Variants in CCSER1 observed in about 807,000 individuals in gnomAD.
CCSER1 encodes the protein serine-rich coiled-coil domain-containing protein 1.
Under a neutral mutation model 82.0 loss-of-function variants are expected in CCSER1, and 41 were observed. The observed-to-expected ratio is 0.50, with a 90% confidence interval of 0.39 to 0.65. The LOEUF is 0.65. CCSER1 is among the 30% of genes least tolerant of loss of function. The probability of loss-of-function intolerance (pLI) is 0.00; values close to 1 mark genes in which losing one functional copy is unlikely to be tolerated. For missense variants in CCSER1, 1,119 were observed against 1,064.2 expected, an observed-to-expected ratio of 1.05 and a Z score of -0.72; for synonymous variants, 414 against 383.9, an observed-to-expected ratio of 1.08 and a Z score of -0.92.
At chr4:91,438,822 T>A (rs565574529) in intron 10 of CCSER1, among the ~76,000 whole-genome samples, 14 of 152,250 alleles carry the variant, frequency 9.2e-5, no homozygotes, top group African/African-American at 3.4e-4. Flanking sequence ...GCTCGAGAAC[T>A]ACGTGAAGAA....
intron 10 of CCSER1, among the ~76,000 whole-genome samples, chr4:91,094,457 A>C (rs1724291718): frequency 6.6e-6 from 1 of 152,128 alleles, no homozygotes; most frequent in Non-Finnish European, 1.5e-5. Flanking sequence ...GTGTAGAGTC[A>C]CTGTAGTTTG....
At chr4:90,490,804 T>G (rs945911377) in intron 5 of CCSER1, among the ~76,000 whole-genome samples, 1 of 152,138 alleles carries the variant, frequency 6.6e-6, no homozygotes, top group African/African-American at 2.4e-5. Flanking sequence ...CTTGTTTTTG[T>G]CAGGTTTGTC....
intron 9 of CCSER1, among the ~76,000 whole-genome samples, chr4:90,944,902 T>C (rs918992803): frequency 2.6e-5 from 4 of 152,222 alleles, no homozygotes; most frequent in African/African-American, 9.6e-5. Context: ...GAGCATGATA[T>C]ACACCATTGA....
chr4:90,442,814 C>T (rs28451886), intron 4 of CCSER1, among the ~76,000 whole-genome samples: 1,570 of 152,228 alleles, frequency 0.01, 20 homozygotes, highest in African/African-American at 0.036. Flanking sequence ...TAATTTTATC[C>T]TCCTGGGAGG....
intron 10 of CCSER1, among the ~76,000 whole-genome samples, chr4:91,092,060 C>G (rs894514931): frequency 2.6e-5 from 4 of 152,040 alleles, no homozygotes; most frequent in Non-Finnish European, 5.9e-5. Flanking sequence ...AGGGGGTGCA[C>G]CTAATTTTAA....
intron 6 of CCSER1, among the ~76,000 whole-genome samples, chr4:90,629,282 G>A (rs1483915911): frequency 6.6e-6 from 1 of 152,114 alleles, no homozygotes; most frequent in Non-Finnish European, 1.5e-5. Context: ...GTTATAAACT[G>A]TATTAGTCTG....
chr4:91,020,444 C>T (rs750590535), intron 9 of CCSER1, among the ~76,000 whole-genome samples: 11 of 152,094 alleles, frequency 7.2e-5, no homozygotes, highest in Admixed American at 4.6e-4. Context: ...GGGTGGATCA[C>T]GAGGTCAGGA....
At chr4:90,738,066 A>G (rs1186614157) in intron 7 of CCSER1, among the ~76,000 whole-genome samples, 4 of 152,182 alleles carry the variant, frequency 2.6e-5, no homozygotes, top group South Asian at 2.1e-4. Flanking sequence ...GAAAGATCAC[A>G]TATCTCTGTT....
Position 90,714,025 on chromosome 4 carries a change from C to T in CCSER1, c.1933-9889C>T, listed in dbSNP as rs1741157288. On this transcript the variant is annotated intron_variant, in intron 6 of 10. Coordinates refer to ENST00000509176, the MANE Select transcript of CCSER1 (RefSeq NM_001145065.2). ...TAAGTCCTTCTAAGTCTCTTTCAGT[C>T]CCAGTATGAGAACCTGGAAATTTCA... Among the ~76,000 whole-genome samples the T allele has an allele frequency of 2.6e-5, 4 of 151,876 alleles. No homozygotes were observed. In the South Asian group the frequency reaches 8.3e-4, roughly 31 times the overall value.
chr4:90,176,925 AG>A (rs1405325795), intron 1 of CCSER1, among the ~76,000 whole-genome samples: 4 of 152,104 alleles, frequency 2.6e-5, no homozygotes, highest in African/African-American at 9.7e-5. Context: ...ATTTCACATT[AG>A]AACAACCTGC....
chr4:90,666,289 T>C (rs1022911088), intron 6 of CCSER1, among the ~76,000 whole-genome samples: 6 of 152,232 alleles, frequency 3.9e-5, no homozygotes, highest in African/African-American at 1.4e-4. Flanking sequence ...TCTTGATTAC[T>C]AAGTCCTTTT....
chr4:90,809,487 G>T (rs898825805), intron 7 of CCSER1, among the ~76,000 whole-genome samples: 1 of 152,010 alleles, frequency 6.6e-6, no homozygotes, highest in African/African-American at 2.4e-5. Context: ...CTAAGCTGTG[G>T]GTATGCAAAG....
At chr4:91,408,630 C>A (rs751385138) in intron 10 of CCSER1, among the ~76,000 whole-genome samples, 18 of 152,156 alleles carry the variant, frequency 1.2e-4, no homozygotes, top group Non-Finnish European at 2.2e-4. Context: ...CTAAACATTT[C>A]TCTTGTTGTT....
intron 8 of CCSER1, among the ~76,000 whole-genome samples, chr4:90,906,065 A>G (rs1300094336): frequency 6.6e-6 from 1 of 152,172 alleles, no homozygotes; most frequent in Non-Finnish European, 1.5e-5. Flanking sequence ...AATTAAGTCC[A>G]GCTTTAAATG....
chr4:91,518,356 G>T (rs1278318748), intron 10 of CCSER1, among the ~76,000 whole-genome samples: 1 of 152,118 alleles, frequency 6.6e-6, no homozygotes, highest in Non-Finnish European at 1.5e-5. Flanking sequence ...AGGGGGTTTG[G>T]GTGGGACCCA....
chr4:91,210,841 TAAG>T lies in CCSER1; in HGVS notation c.2217+124851_2217+124853del, dbSNP rs530346296. On this transcript the variant is annotated intron_variant, in intron 10 of 10. Transcript: ENST00000509176. ...AGGTGATAGTAATGCCGATGTCACA[TAAG>T]AAGTTGTTAATATTGATGATTTTAT... 2.4e-4 allele frequency among the ~76,000 whole-genome samples: 37 copies of T among 152,018 alleles called. No homozygotes were observed. The East Asian group carries it at 4.3e-3, about 17-fold the overall frequency.
intron 5 of CCSER1, among the ~76,000 whole-genome samples, chr4:90,510,549 A>G (rs1292036578): frequency 1.3e-5 from 2 of 152,240 alleles, no homozygotes; most frequent in Non-Finnish European, 1.5e-5. Flanking sequence ...CTGGACTTCA[A>G]CGTTGTCTTT....
chr4:90,185,069 G>A (rs1011667982), intron 1 of CCSER1, among the ~76,000 whole-genome samples: 1 of 152,060 alleles, frequency 6.6e-6, no homozygotes, highest in Non-Finnish European at 1.5e-5. Context: ...TCCCATCAGT[G>A]TCACTCGCTG....
intron 7 of CCSER1, among the ~76,000 whole-genome samples, chr4:90,777,775 C>G (rs982394519): frequency 6.6e-6 from 1 of 151,924 alleles, no homozygotes; most frequent in African/African-American, 2.4e-5. Flanking sequence ...AATATAACAT[C>G]ATATTGAAAT....
Sources: allele counts gnomAD v4.1 joint callset (sites outside exome capture counted in the v4.1 genomes callset), GRCh38; gene constraint gnomAD v4.1.1; transcripts MANE v1.5; gene names NCBI Gene and HGNC (gene_info 2026-07-23, HGNC 2026-07-21).